Variants in WDR33 observed in about 807,000 individuals in gnomAD.
The protein encoded by WDR33 is pre-mRNA 3' end processing protein WDR33.
Under a neutral mutation model 164.9 loss-of-function variants are expected in WDR33, and 47 were observed. The ratio of observed to expected loss-of-function variants is 0.29; its 90% confidence interval spans 0.23 to 0.36. The LOEUF (loss-of-function observed/expected upper bound fraction) is 0.36. Ranked by LOEUF, WDR33 falls within the 10% of genes least tolerant of loss-of-function variation. WDR33 has a pLI of 1.00. For synonymous variants in WDR33, 505 were observed against 589.0 expected, an observed-to-expected ratio of 0.86 and a Z score of 2.06; for missense variants, 1,137 against 1,754.1, an observed-to-expected ratio of 0.65 and a Z score of 6.28.
Position 127,708,964 on chromosome 2 carries a change from G to A in WDR33, c.3566-72C>T, listed in dbSNP as rs568895805. ...GAAGTAGATGGGAATGACACTGTGA[G>A]AGTAAGGAGCAACTCGAGAGCCACC... On this transcript the variant is annotated intron_variant, in intron 20 of 21. Transcript: ENST00000322313. The surrounding 1 kb of genome is among the most constrained non-coding windows in gnomAD (Gnocchi z 6.7). 3 of 1,421,642 alleles carry A rather than the reference G, an allele frequency of 2.1e-6. No individual in the cohort carries two copies. In the South Asian group the frequency reaches 4.6e-5, roughly 22 times the overall value. 88.1% of individuals were successfully genotyped at this position (1,421,642 alleles called of 1,614,324 possible). A position where few individuals can be genotyped will look rare whatever the true frequency, so the allele number is the denominator to read the frequency against.
At chr2:127,775,142 T>G (rs1688145783) in intron 1 of WDR33, among the ~76,000 whole-genome samples, 1 of 152,176 alleles carries the variant, frequency 6.6e-6, no homozygotes, top group African/African-American at 2.4e-5. Context: ...AATTCTCTGT[T>G]ATGCGACTTT....
chr2:127,750,731 TATATGTATGCATAC>T (rs1201584912), intron 7 of WDR33, among the ~76,000 whole-genome samples: 9 of 59,132 alleles, frequency 1.5e-4, no homozygotes, highest in African/African-American at 9.9e-4. Context: ...TGCATACATA[TATATGTATGCATAC>T]ATATATATGT....
intron 4 of WDR33, among the ~76,000 whole-genome samples, chr2:127,766,265 G>A (rs144870360): frequency 1.9e-4 from 29 of 152,100 alleles, no homozygotes; most frequent in African/African-American, 5.1e-4. Flanking sequence ...CAAAAACTCC[G>A]ACAAAGTTGA....
chr2:127,747,460 CTT>C (rs943343920), intron 7 of WDR33, among the ~76,000 whole-genome samples: 47 of 149,194 alleles, frequency 3.2e-4, no homozygotes, highest in African/African-American at 1.1e-3. Flanking sequence ...AAAGTAAAAA[CTT>C]TTACAATCTA....
At chr2:127,788,025 A>AC (rs1688661917) in intron 1 of WDR33, among the ~76,000 whole-genome samples, 1 of 34,942 alleles carries the variant, frequency 2.9e-5, no homozygotes, top group Admixed American at 3.1e-4. Flanking sequence ...GGGGGCTGAC[A>AC]CCCCCCACCT....
At position 127,708,145 on chromosome 2, in the gene WDR33, G is replaced by A. The variant is rs1686063674; in HGVS notation, c.3781+532C>T. ...TCAGCCTTCAGAGGCAACTACTCCT[G>A]GCTAAAGTTAGTGCTGCCTATAACA... is the stretch of plus-strand genomic sequence containing the variant. On this transcript the variant is annotated intron_variant, in intron 21 of 21. Coordinates refer to ENST00000322313, the MANE Select transcript of WDR33 (RefSeq NM_018383.5). This position sits in a 1 kb window ranked among gnomAD's most constrained non-coding sequence, Gnocchi z 6.7. Among the ~76,000 whole-genome samples the A allele has an allele frequency of 1.3e-5, 2 of 152,190 alleles. No individual in the cohort carries two copies. The highest frequency in any genetic ancestry group is 2.1e-4 in the South Asian group (1 of 4,836).
chr2:127,792,099 C>G (rs529551147), intron 1 of WDR33, among the ~76,000 whole-genome samples: 1 of 151,756 alleles, frequency 6.6e-6, no homozygotes, highest in Non-Finnish European at 1.5e-5. Flanking sequence ...CCACCACGCC[C>G]GGCTAATTTT....
chr2:127,798,189 G>A (rs1689106778), intron 1 of WDR33, among the ~76,000 whole-genome samples: 1 of 149,572 alleles, frequency 6.7e-6, no homozygotes, highest in Admixed American at 6.7e-5. Context: ...CCAACATGGT[G>A]AAACCCTGTC....
In WDR33 at chr2:127,701,161, A is replaced by C. The variant is rs117566639; in HGVS notation, c.*5162T>G. 0.015 allele frequency: 2,550 copies of C among 174,194 alleles called. 20 individuals are homozygous for C. The highest frequency in any genetic ancestry group is 0.031 in the East Asian group (203 of 6,466). The allele number at this position is 174,194 out of a possible 1,614,324, so 10.8% of individuals were successfully genotyped here. A position where few individuals can be genotyped will look rare whatever the true frequency, so the allele number is the denominator to read the frequency against. ...ACAATATCACCGCCACGGTAGACGC[A>C]GTGAGGCCATAAGACATTTCCGTCA... is the stretch of plus-strand genomic sequence containing the variant. On this transcript the variant is annotated 3_prime_UTR_variant, in exon 22 of 22. Transcript: ENST00000322313.
chr2:127,740,076 A>G (rs1169067378), intron 7 of WDR33, among the ~76,000 whole-genome samples: 1 of 152,226 alleles, frequency 6.6e-6, no homozygotes, highest in East Asian at 1.9e-4. Context: ...GAAAAACAGC[A>G]TTTAAGTCCT....
Position 127,710,301 on chromosome 2 carries a change from A to C in WDR33, c.3309-445T>G, listed in dbSNP as rs1010964525. Among the ~76,000 whole-genome samples, 1 of 152,238 alleles carries C rather than the reference A, an allele frequency of 6.6e-6. No homozygotes were observed. The highest frequency in any genetic ancestry group is 1.5e-5 in the Non-Finnish European group (1 of 68,042). On this transcript the variant is annotated intron_variant, in intron 18 of 21. Transcript: ENST00000322313. The surrounding 1 kb of genome is among the most constrained non-coding windows in gnomAD (Gnocchi z 4.4). Reference sequence around the variant, plus strand: ...CCCAGGTTCTGTATCACTGCCTCACAAATACTTATCATTATCATCTACATT... The same window carrying C: ...CCCAGGTTCTGTATCACTGCCTCACCAATACTTATCATTATCATCTACATT...
At position 127,701,645 on chromosome 2, in the gene WDR33, G is replaced by T. The variant is rs777162956; in HGVS notation, c.*4678C>A. 5.4e-6 allele frequency: 7 copies of T among 1,305,008 alleles called. No homozygotes were observed. The highest frequency in any genetic ancestry group is 2.9e-4 in the Middle Eastern group (1 of 3,400). The allele number at this position is 1,305,008 out of a possible 1,614,324, so 80.8% of individuals were successfully genotyped here. On this transcript the variant is annotated 3_prime_UTR_variant, in exon 22 of 22. Transcript: ENST00000322313. ...AGGCGGAGGAGCCCGGGGACCGGCC[G>T]GCGGAGGAGTGGCTGGGCCGCGCGG... is the stretch of plus-strand genomic sequence containing the variant.
intron 1 of WDR33, among the ~76,000 whole-genome samples, chr2:127,779,975 A>ATTTTTTTTTT (rs1201664053): frequency 7.0e-6 from 1 of 142,694 alleles, no homozygotes; most frequent in African/African-American, 2.6e-5. Flanking sequence ...GGTTTTTTTG[A>ATTTTTTTTTT]TTTTTTTTTT....
rs778359596 is a variant in WDR33 at position 127,741,576 on chromosome 2, C to G, written c.725-14799G>C. ...CCAGGAGAGGACCCTTGTAGGTAAG[C>G]GAACTTAACTGCAAAAAAATGCAAG... On this transcript the variant is annotated intron_variant, in intron 7 of 21. Transcript: ENST00000322313. The surrounding 1 kb of genome is among the most constrained non-coding windows in gnomAD (Gnocchi z 4.1). 6.6e-6 allele frequency among the ~76,000 whole-genome samples: 1 copy of G among 152,126 alleles called. No homozygotes were observed. The highest frequency in any genetic ancestry group is 2.4e-5 in the African/African-American group (1 of 41,412).
At chr2:127,728,780 T>C (rs149221227) in intron 7 of WDR33, among the ~76,000 whole-genome samples, 1,534 of 152,312 alleles carry the variant, frequency 0.01, 31 homozygotes, top group African/African-American at 0.036. Context: ...TTATGAGAAA[T>C]GCCTGAGAAA....
chr2:127,706,665 GGGAGA>G lies in WDR33; in HGVS notation c.3782-118_3782-114del. On this transcript the variant is annotated intron_variant, in intron 21 of 21. Transcript: ENST00000322313. This position sits in a 1 kb window ranked among gnomAD's most constrained non-coding sequence, Gnocchi z 5.1. ...AATGGACCAGTTCTGGTGGGTGCCA[GGGAGA>G]CTGGCAGTGGTATTCAGCGTACTGA... 3.2e-6 allele frequency: 3 copies of G among 940,612 alleles called. No individual in the cohort carries two copies. Among genetic ancestry groups the G allele is most frequent in the Non-Finnish European group, 4.7e-6 (3 of 640,336 alleles). 58.3% of individuals were successfully genotyped at this position (940,612 alleles called of 1,614,324 possible). A position where few individuals can be genotyped will look rare whatever the true frequency, so the allele number is the denominator to read the frequency against.
chr2:127,724,116 T>G lies in WDR33; in HGVS notation c.1196+217A>C, dbSNP rs540546002. On this transcript the variant is annotated intron_variant, in intron 11 of 21. Transcript: ENST00000322313. The surrounding 1 kb of genome is among the most constrained non-coding windows in gnomAD (Gnocchi z 4.8). ...AAATAAAAGTGGAAAACTTCTGTTT[T>G]AAGTCAGAAGGCAAAACAAAATTTG... Among the ~76,000 whole-genome samples, 2 of 152,284 alleles carry G rather than the reference T, an allele frequency of 1.3e-5. No individual in the cohort carries two copies. Among genetic ancestry groups the G allele is most frequent in the South Asian group, 4.2e-4 (2 of 4,818 alleles).
chr2:127,720,912 C>T lies in WDR33; in HGVS notation c.1672-559G>A, dbSNP rs1033180332. The stretch of plus-strand genomic sequence containing the variant: ...TCAGGGAAAGCCCAATAATTCACCA[C>T]TAATTCATCATTCTTGGTAGCTAAC... On this transcript the variant is annotated intron_variant, in intron 15 of 21. Transcript: ENST00000322313. This position sits in a 1 kb window ranked among gnomAD's most constrained non-coding sequence, Gnocchi z 5.9. 1.3e-5 allele frequency among the ~76,000 whole-genome samples: 2 copies of T among 152,122 alleles called. No individual in the cohort carries two copies. The highest frequency in any genetic ancestry group is 4.8e-5 in the African/African-American group (2 of 41,420).
chr2:127,769,072 T>C lies in WDR33; in HGVS notation c.205-71A>G, dbSNP rs1014767168. 2.9e-5 allele frequency: 27 copies of C among 925,008 alleles called. No homozygotes were observed. The East Asian group carries it at 9.2e-4, about 31-fold the overall frequency. 57.3% of individuals were successfully genotyped at this position (925,008 alleles called of 1,614,324 possible). ...TAATGACTATATGGTCTGATTATAC[T>C]CAATTTGAAATTAACAAAATGTAAG... On this transcript the variant is annotated intron_variant, in intron 2 of 21. Coordinates refer to ENST00000322313, the MANE Select transcript of WDR33 (RefSeq NM_018383.5).
Sources: gnomAD v4.1 joint callset for allele counts (sites outside exome capture counted in the v4.1 genomes callset) on GRCh38, gnomAD v4.1.1 for gene constraint, Gnocchi (gnomAD v3.1) non-coding constraint, MANE v1.5 for transcripts, NCBI Gene and HGNC (gene_info 2026-07-23, HGNC 2026-07-21) for gene names.